The following ILRUN variants were observed in gnomAD, a reference collection of about 807,000 sequenced individuals.
ILRUN encodes the protein inflammation and lipid regulator with UBA-like and NBR1-like domains, also known as protein ILRUN.
A neutral mutation model predicts 33.8 loss-of-function variants in ILRUN; 3 were observed. The ratio of observed to expected loss-of-function variants is 0.09; its 90% confidence interval spans 0.04 to 0.23. ILRUN has a LOEUF of 0.23. ILRUN is among the 10% of genes least tolerant of loss of function. The pLI, the probability that ILRUN is intolerant of heterozygous loss-of-function variation, is 1.00. For synonymous variants in ILRUN, 124 were observed against 138.9 expected (o/e 0.89, Z 0.75); for missense variants, 210 against 375.1 (o/e 0.56, Z 3.64).
At chr6:34,603,070 C>T (rs1761547533) in intron 4 of ILRUN, among the ~76,000 whole-genome samples, 1 of 152,238 alleles carries the variant, frequency 6.6e-6, no homozygotes, top group Non-Finnish European at 1.5e-5. Flanking sequence ...TACCTGCCTA[C>T]TAAAACTGTG....
In ILRUN at chr6:34,589,977, G is replaced by A. The variant is rs1373224643; in HGVS notation, c.*588C>T. The A allele has an allele frequency of 1.3e-5, 2 of 152,294 alleles. No homozygotes were observed. Among genetic ancestry groups the A allele is most frequent in the African/African-American group, 4.8e-5 (2 of 41,448 alleles). 9.4% of individuals were successfully genotyped at this position (152,294 alleles called of 1,614,324 possible). A position where few individuals can be genotyped will look rare whatever the true frequency, so the allele number is the denominator to read the frequency against. ...GGAAAAGGGTGATAACTCATTGGCTGATGCCATTAAAAACAAATGGGGTCA... is the reference window on the plus strand; with the variant it reads ...GGAAAAGGGTGATAACTCATTGGCTAATGCCATTAAAAACAAATGGGGTCA... On this transcript the variant is annotated 3_prime_UTR_variant, in exon 5 of 5. Coordinates refer to ENST00000374023, the MANE Select transcript of ILRUN (RefSeq NM_024294.4).
At chr6:34,611,117 T>A (rs548272524) in intron 3 of ILRUN, among the ~76,000 whole-genome samples, 6 of 149,102 alleles carry the variant, frequency 4.0e-5, no homozygotes, top group Non-Finnish European at 3.0e-5. Flanking sequence ...TTTTTTTTTT[T>A]AATTAAATTT....
intron 3 of ILRUN, among the ~76,000 whole-genome samples, chr6:34,607,709 T>C (rs1329704822): frequency 6.6e-5 from 10 of 152,202 alleles, no homozygotes; most frequent in Admixed American, 2.6e-4. Flanking sequence ...CTATTGCTCT[T>C]AGGCTACAAA....
At position 34,587,897 on chromosome 6, in the gene ILRUN, A is replaced by G. The variant is rs1582023504; in HGVS notation, c.*2668T>C. 2 of 396,532 alleles carry G rather than the reference A, an allele frequency of 5.0e-6. No individual in the cohort carries two copies. The highest frequency in any genetic ancestry group is 1.4e-4 in the South Asian group (1 of 6,998). The allele number at this position is 396,532 out of a possible 1,614,324, so 24.6% of individuals were successfully genotyped here. On this transcript the variant is annotated 3_prime_UTR_variant, in exon 5 of 5. Coordinates refer to ENST00000374023, the MANE Select transcript of ILRUN (RefSeq NM_024294.4). Reference sequence around the variant, plus strand: ...TGGGTTCAGACCCTATCACCTAACCATGGTGTCTGCCTCACCTCCTGGGTG... The same window carrying G: ...TGGGTTCAGACCCTATCACCTAACCGTGGTGTCTGCCTCACCTCCTGGGTG...
chr6:34,664,887 CT>C (rs1242261726), intron 1 of ILRUN, among the ~76,000 whole-genome samples: 16 of 152,290 alleles, frequency 1.1e-4, no homozygotes, highest in South Asian at 8.3e-4. Context: ...AAACAGGGAA[CT>C]TACAATAAAC....
chr6:34,595,036 G>A (rs1422949911), intron 4 of ILRUN, among the ~76,000 whole-genome samples: 1 of 152,168 alleles, frequency 6.6e-6, no homozygotes, highest in Non-Finnish European at 1.5e-5. Context: ...AATATTGTTA[G>A]AGAACATTTA....
intron 1 of ILRUN, among the ~76,000 whole-genome samples, chr6:34,659,684 C>T (rs908237220): frequency 6.3e-5 from 8 of 126,478 alleles, no homozygotes; most frequent in Non-Finnish European, 9.3e-5. Context: ...TGCAGTGGTG[C>T]TATCTCGGCT....
chr6:34,661,331 TAAAG>T (rs1389168500), intron 1 of ILRUN, among the ~76,000 whole-genome samples: 4 of 152,134 alleles, frequency 2.6e-5, no homozygotes, highest in Admixed American at 2.0e-4. Context: ...AAATCTTACA[TAAAG>T]AAAGCAAATA....
At chr6:34,692,576 T>G (rs907469035) in intron 1 of ILRUN, among the ~76,000 whole-genome samples, 2 of 152,178 alleles carry the variant, frequency 1.3e-5, no homozygotes. Context: ...TAAGTATGCA[T>G]GCATGCACAT....
chr6:34,672,323 G>A (rs1220915943), intron 1 of ILRUN, among the ~76,000 whole-genome samples: 2 of 152,006 alleles, frequency 1.3e-5, no homozygotes, highest in Non-Finnish European at 2.9e-5. Context: ...TCGAATTCCT[G>A]ACCTCAAGTG....
intron 3 of ILRUN, among the ~76,000 whole-genome samples, chr6:34,644,816 G>A (rs1265510900): frequency 6.6e-6 from 1 of 152,116 alleles, no homozygotes; most frequent in African/African-American, 2.4e-5. Context: ...CCTTGAGGAT[G>A]AGCAGCAGTT....
intron 2 of ILRUN, among the ~76,000 whole-genome samples, chr6:34,652,987 T>A (rs932985117): frequency 6.6e-6 from 1 of 151,526 alleles, no homozygotes; most frequent in Non-Finnish European, 1.5e-5. Flanking sequence ...ACAAAAACTT[T>A]AAAAAATTAG....
In ILRUN at chr6:34,646,662, G is replaced by T. The variant is rs1762569545; in HGVS notation, c.450C>A (p.Ser150Arg). The T allele has an allele frequency of 6.2e-7, 1 of 1,614,032 alleles. No individual in the cohort carries two copies. Among genetic ancestry groups the T allele is most frequent in the Non-Finnish European group, 8.5e-7 (1 of 1,180,026 alleles). Residue 150 changes from serine to arginine, a missense_variant, in exon 3 of 5, where the codon AGC becomes AGA. This residue lies in a region of ILRUN where 60 missense variants were observed against 138.1 expected (regional missense o/e 0.43). Coordinates refer to ENST00000374023, the MANE Select transcript of ILRUN (RefSeq NM_024294.4). The surrounding 1 kb of genome is among the most constrained non-coding windows in gnomAD (Gnocchi z 4.9). ...ACTGTCCCTGATACATTCCTGCTCTGCTGGGGCTGCACATCTGGACGCTGA... is the reference window on the plus strand; with the variant it reads ...ACTGTCCCTGATACATTCCTGCTCTTCTGGGGCTGCACATCTGGACGCTGA... ...ADVSVQMCSP[S>R]RAGMYQGQWR...
chr6:34,609,894 C>G (rs1398773834), intron 3 of ILRUN, among the ~76,000 whole-genome samples: 1 of 152,148 alleles, frequency 6.6e-6, no homozygotes, highest in Non-Finnish European at 1.5e-5. Context: ...TGTGGTGGCT[C>G]ATGCCTGTAA....
rs1762565980 is a variant in ILRUN at position 34,646,470 on chromosome 6, C to T, written c.511+131G>A. ...TAGTCATAAAATGCAAATCATTTAC[C>T]TGCATGAGGTGACTGTTAAAAAGAG... is the stretch of plus-strand genomic sequence containing the variant. On this transcript the variant is annotated intron_variant, in intron 3 of 4. Coordinates refer to ENST00000374023, the MANE Select transcript of ILRUN (RefSeq NM_024294.4). This position sits in a 1 kb window ranked among gnomAD's most constrained non-coding sequence, Gnocchi z 4.9. 1 of 733,270 alleles carries T rather than the reference C, an allele frequency of 1.4e-6. No homozygotes were observed. The highest frequency in any genetic ancestry group is 1.8e-5 in the African/African-American group (1 of 56,722). 45.4% of individuals were successfully genotyped at this position (733,270 alleles called of 1,614,324 possible).
intron 3 of ILRUN, among the ~76,000 whole-genome samples, chr6:34,625,882 G>A (rs1273275668): frequency 7.9e-6 from 1 of 126,992 alleles, no homozygotes; most frequent in East Asian, 2.3e-4. Flanking sequence ...AGCGAGTCTC[G>A]CTCTGTCGCT....
chr6:34,618,571 T>C (rs1165301671), intron 3 of ILRUN, among the ~76,000 whole-genome samples: 2 of 152,198 alleles, frequency 1.3e-5, no homozygotes, highest in Admixed American at 1.3e-4. Context: ...CCCTCCTCCT[T>C]CCTGTTCCAT....
intron 4 of ILRUN, among the ~76,000 whole-genome samples, chr6:34,602,931 C>T (rs940287565): frequency 6.6e-6 from 1 of 152,196 alleles, no homozygotes; most frequent in Non-Finnish European, 1.5e-5. Context: ...TGTTTCCTGG[C>T]ACTGACAGAT....
Position 34,589,034 on chromosome 6 carries a change from G to A in ILRUN, c.*1531C>T, listed in dbSNP as rs958727038. ...TCACCCACCACCCAGCTGGATGGGG[G>A]TGTGGTAACAGGCAGGTGACCCTGC... On this transcript the variant is annotated 3_prime_UTR_variant, in exon 5 of 5. Transcript: ENST00000374023. 1.3e-5 allele frequency: 2 copies of A among 152,874 alleles called. No individual in the cohort carries two copies. Among genetic ancestry groups the A allele is most frequent in the African/African-American group, 4.8e-5 (2 of 41,584 alleles). 9.5% of individuals were successfully genotyped at this position (152,874 alleles called of 1,614,324 possible).
Sources: gnomAD v4.1 joint callset for allele counts (sites outside exome capture counted in the v4.1 genomes callset) on GRCh38, gnomAD v4.1.1 for gene constraint, gnomAD v4.1.1 regional missense constraint, Gnocchi (gnomAD v3.1) non-coding constraint, MANE v1.5 for transcripts, NCBI Gene and HGNC (gene_info 2026-07-23, HGNC 2026-07-21) for gene names.